The following DCBLD1 variants were observed in gnomAD, a reference collection of about 807,000 sequenced individuals.
DCBLD1 encodes the protein discoidin, CUB and LCCL domain-containing protein 1.
In DCBLD1, 57 loss-of-function variants were observed where a neutral mutation model predicts 71.5. The ratio of observed to expected loss-of-function variants is 0.80; its 90% CI spans 0.64 to 0.99. The LOEUF is 0.99. DCBLD1 is among the 50% of genes least tolerant of loss of function. The probability of loss-of-function intolerance (pLI) is 0.00; values close to 1 mark genes in which losing one functional copy is unlikely to be tolerated. For synonymous variants in DCBLD1, 380 were observed against 363.8 expected, an observed-to-expected ratio of 1.04 and a Z score of -0.51; for missense variants, 891 against 923.5, an observed-to-expected ratio of 0.96 and a Z score of 0.46.
chr6:117,544,872 G>T (rs1172061560), intron 13 of DCBLD1, among the ~76,000 whole-genome samples: 1 of 151,828 alleles, frequency 6.6e-6, no homozygotes, highest in Non-Finnish European at 1.5e-5. Context: ...TATGACAAAA[G>T]CCTTATCAGT....
intron 11 of DCBLD1, among the ~76,000 whole-genome samples, chr6:117,542,702 G>A (rs931983651): frequency 6.6e-6 from 1 of 151,868 alleles, no homozygotes; most frequent in African/African-American, 2.4e-5. Context: ...GTCCAAACCC[G>A]CCTGCCATCT....
intron 1 of DCBLD1, among the ~76,000 whole-genome samples, chr6:117,496,900 T>G (rs1226981644): frequency 6.6e-6 from 1 of 152,252 alleles, no homozygotes; most frequent in Non-Finnish European, 1.5e-5. Context: ...TCATTGTTTA[T>G]GCATGTGTAT....
In DCBLD1 at chr6:117,541,002, T is replaced by G. The variant is rs1341502140; in HGVS notation, c.1334T>G (p.Ile445Ser). ...GAAGATGAGACAATCACAAGGCCCA[T>G]CCCCTCGGAAGAAACATCCACAGGT... ...KKEDETITRP[I>S]PSEETSTGIN... Residue 445 changes from isoleucine (I) to serine (S), a missense_variant, in exon 11 of 15, where the codon ATC becomes AGC. By Grantham distance (142) the Ile-to-Ser change is moderately radical. Coordinates refer to ENST00000338728, the MANE Select transcript of DCBLD1 (RefSeq NM_001366458.2). 1.9e-6 allele frequency: 3 copies of G among 1,614,002 alleles called. No homozygotes were observed. The highest frequency in any genetic ancestry group is 2.5e-6 in the Non-Finnish European group (3 of 1,180,026).
chr6:117,510,027 A>C (rs1244022484), intron 2 of DCBLD1, among the ~76,000 whole-genome samples: 1 of 152,148 alleles, frequency 6.6e-6, no homozygotes, highest in Non-Finnish European at 1.5e-5. Context: ...CACCAGTCTC[A>C]GTTCCTTCCA....
At chr6:117,569,804 A>T in exon 15 of DCBLD1, 7 of 1,430,546 alleles carry the variant, frequency 4.9e-6, no homozygotes, top group Non-Finnish European at 6.5e-6. Flanking sequence ...TAATCTAGAG[A>T]TAAAATATTT....
At chr6:117,527,098 C>T (rs1778568907) in intron 5 of DCBLD1, among the ~76,000 whole-genome samples, 1 of 152,204 alleles carries the variant, frequency 6.6e-6, no homozygotes, top group Non-Finnish European at 1.5e-5. Flanking sequence ...GCCATGTGGA[C>T]CTTCCCAACG....
intron 2 of DCBLD1, among the ~76,000 whole-genome samples, chr6:117,511,720 G>T (rs1330051125): frequency 1.3e-5 from 2 of 152,206 alleles, no homozygotes; most frequent in Admixed American, 1.3e-4. Context: ...TCCCAAAGAG[G>T]GGAAAGCGCA....
intron 14 of DCBLD1, chr6:117,547,557 T>A (rs1198013084): frequency 1.8e-6 from 1 of 550,400 alleles, no homozygotes; most frequent in South Asian, 1.5e-5. Flanking sequence ...TTTTCGAGGC[T>A]GTTTTTTTCT....
chr6:117,543,142 T>A lies in DCBLD1; in HGVS notation c.1376T>A (p.Val459Glu), dbSNP rs542168242. ...TCTTTAGGAATAAACATTACAACGG[T>A]GGCTATTCCATTGGTGCTCCTTGTT... ...ETSTGINITT[V>E]AIPLVLLVVL... The change falls in exon 12 of 15, where the codon GTG (valine) becomes GAG (glutamate). Residue 459 changes from valine to glutamate, a missense_variant. Coordinates refer to ENST00000338728, the MANE Select transcript of DCBLD1 (RefSeq NM_001366458.2). The A allele has an allele frequency of 6.2e-7, 1 of 1,614,152 alleles. No individual in the cohort carries two copies. Among genetic ancestry groups the A allele is most frequent in the East Asian group, 2.2e-5 (1 of 44,882 alleles).
intron 11 of DCBLD1, among the ~76,000 whole-genome samples, chr6:117,542,714 G>A (rs1050390381): frequency 2.0e-5 from 3 of 152,070 alleles, no homozygotes; most frequent in Non-Finnish European, 4.4e-5. Flanking sequence ...CTGCCATCTG[G>A]GGAAATGTGT....
At chr6:117,554,043 T>C (rs2114586987), downstream of DCBLD1, among the ~76,000 whole-genome samples, 1 of 152,338 alleles carries the variant, frequency 6.6e-6, no homozygotes, top group South Asian at 2.1e-4. Context: ...GTCTGACCCA[T>C]GATAAGTGCC....
At chr6:117,483,551 C>T in intron 1 of DCBLD1, among the ~76,000 whole-genome samples, 1 of 152,238 alleles carries the variant, frequency 6.6e-6, no homozygotes, top group Non-Finnish European at 1.5e-5. Flanking sequence ...CTCAACCAGG[C>T]TGCTTTTTCT....
At position 117,549,594 on chromosome 6, in the gene DCBLD1, A is replaced by T. The variant is rs757793058; in HGVS notation, c.*1155A>T. 9.1e-5 allele frequency: 90 copies of T among 985,208 alleles called. No individual in the cohort carries two copies. Among genetic ancestry groups the T allele is most frequent in the Middle Eastern group, 1.0e-3 (2 of 1,936 alleles). The allele number at this position is 985,208 out of a possible 1,614,324, so 61.0% of individuals were successfully genotyped here. A position where few individuals can be genotyped will look rare whatever the true frequency, so the allele number is the denominator to read the frequency against. On this transcript the variant is annotated 3_prime_UTR_variant, in exon 15 of 15. Coordinates refer to ENST00000338728, the MANE Select transcript of DCBLD1 (RefSeq NM_001366458.2). ...TTTTTTTAATAGAAAATATGGACCA[A>T]AAATTTTTTTCCCTGAAGAATGTAT...
Position 117,542,926 on chromosome 6 carries a change from A to C in DCBLD1, c.1358-198A>C, listed in dbSNP as rs978606547. Among the ~76,000 whole-genome samples the C allele has an allele frequency of 3.9e-5, 6 of 152,118 alleles. No homozygotes were observed. The South Asian group carries it at 1.2e-3, about 32-fold the overall frequency. On this transcript the variant is annotated intron_variant, in intron 11 of 14. Transcript: ENST00000338728. The stretch of plus-strand genomic sequence containing the variant: ...CTGTCTCTGGGGGGCTGGGGGAGAA[A>C]TTTTACTTTCCCAAACTTTAGCCAG...
intron 2 of DCBLD1, among the ~76,000 whole-genome samples, chr6:117,516,370 A>G (rs1035192405): frequency 1.3e-5 from 2 of 152,140 alleles, no homozygotes; most frequent in Admixed American, 6.5e-5. Flanking sequence ...AAAAAAAAAA[A>G]AAAGAAAGTA....
chr6:117,517,044 T>C (rs1410628977), intron 2 of DCBLD1, among the ~76,000 whole-genome samples: 1 of 152,114 alleles, frequency 6.6e-6, no homozygotes, highest in Non-Finnish European at 1.5e-5. Context: ...TCCCCCAAAG[T>C]CTTAACTCAT....
In DCBLD1 at chr6:117,519,431, C is replaced by T. The variant is rs180942737; in HGVS notation, c.326-385C>T. On this transcript the variant is annotated intron_variant, in intron 2 of 14. Transcript: ENST00000338728. ...AAGTCTTTTAACTTTAAAACTTCCC[C>T]GAAAAAATGATTTTTTTAGTTTATT... is the stretch of plus-strand genomic sequence containing the variant. 7.6e-4 allele frequency among the ~76,000 whole-genome samples: 115 copies of T among 152,142 alleles called. 1 individual carries two copies. Among genetic ancestry groups the T allele is most frequent in the Admixed American group, 1.4e-3 (22 of 15,276 alleles).
chr6:117,504,111 G>A, intron 2 of DCBLD1, 132 bp downstream of exon 2: 1 of 983,264 alleles, frequency 1.0e-6, no homozygotes, highest in Non-Finnish European at 1.5e-6. Context: ...AATTCTTGGG[G>A]GTAACTTAGA....
intron 2 of DCBLD1, among the ~76,000 whole-genome samples, chr6:117,515,563 A>G (rs1034317285): frequency 2.6e-5 from 4 of 152,226 alleles, no homozygotes; most frequent in African/African-American, 9.6e-5. Flanking sequence ...TTTCAAACAT[A>G]TCTAAAACAA....
Sources: gnomAD v4.1 joint callset for allele counts (sites outside exome capture counted in the v4.1 genomes callset) on GRCh38, gnomAD v4.1.1 for gene constraint, MANE v1.5 for transcripts, NCBI Gene and HGNC (gene_info 2026-07-23, HGNC 2026-07-21) for gene names.